The following WTIP variants were observed in gnomAD, a reference collection of about 807,000 sequenced individuals.
WTIP encodes the protein WT1 interacting protein.
WTIP carries 23 observed loss-of-function variants against 41.7 expected under a neutral mutation model. The observed-to-expected ratio is 0.55, with a 90% confidence interval of 0.40 to 0.78. The LOEUF is 0.78. WTIP is among the 30% of genes least tolerant of loss of function. WTIP has a pLI of 0.00. For synonymous variants in WTIP, 314 were observed against 269.9 expected, an observed-to-expected ratio of 1.16 and a Z score of -1.60; for missense variants, 619 against 610.5, an observed-to-expected ratio of 1.01 and a Z score of -0.15.
intron 7 of WTIP, among the ~76,000 whole-genome samples, chr19:34,498,333 C>T (rs1025799368): frequency 3.5e-4 from 53 of 152,168 alleles, no homozygotes; most frequent in Non-Finnish European, 6.3e-4. Flanking sequence ...TCACCCTGCT[C>T]CAGGGACCCC....
Position 34,493,606 on chromosome 19 carries a change from G to A in WTIP, c.1015G>A (p.Val339Met), listed in dbSNP as rs375329839. Residue 339 changes from valine (V) to methionine (M), a missense_variant, in exon 5 of 8, where the codon GTG becomes ATG. Val to Met is a conservative substitution (Grantham distance 21). Around this residue, in one of 3 missense-constraint regions of WTIP, gnomAD observed 164 missense variants for 219.1 expected, o/e 0.75. Coordinates refer to ENST00000590071, the MANE Select transcript of WTIP (RefSeq NM_001080436.2). This position sits in a 1 kb window ranked among gnomAD's most constrained non-coding sequence, Gnocchi z 4.1. ...TVDVENNIYC[V>M]RDYHTVFAPK... ...GGACGTGGAGAACAACATCTACTGCGTGCGAGACTATCACACGTGAGTTGC... is the reference window on the plus strand; with the variant it reads ...GGACGTGGAGAACAACATCTACTGCATGCGAGACTATCACACGTGAGTTGC... The A allele has an allele frequency of 1.2e-5, 20 of 1,613,368 alleles. No individual in the cohort carries two copies. Among genetic ancestry groups the A allele is most frequent in the East Asian group, 2.2e-5 (1 of 44,892 alleles).
At position 34,495,791 on chromosome 19, in the gene WTIP, A is replaced by G. The variant is rs1343100858; in HGVS notation, c.1152+20A>G. 3.7e-6 allele frequency: 6 copies of G among 1,612,634 alleles called. No homozygotes were observed. Among genetic ancestry groups the G allele is most frequent in the Non-Finnish European group, 5.1e-6 (6 of 1,179,630 alleles). ...TGTGAGGTGAGCCTGGGCCCACAGG[A>G]GGCTGGCAGCTGGGGCAGGCCTCCT... On this transcript the variant is annotated intron_variant, in intron 7 of 7. Coordinates refer to ENST00000590071, the MANE Select transcript of WTIP (RefSeq NM_001080436.2).
At position 34,510,937 on chromosome 19, in the gene WTIP, C is replaced by G. The variant is rs985084856; in HGVS notation, c.*10668C>G. On this transcript the variant is annotated 3_prime_UTR_variant, in exon 8 of 8. Transcript: ENST00000590071. Reference sequence around the variant, plus strand: ...ACCTTAGTATTCATATCACTATCAGCATTTTTATCAAATATTAAACAAATT... The same window carrying G: ...ACCTTAGTATTCATATCACTATCAGGATTTTTATCAAATATTAAACAAATT... The G allele has an allele frequency of 5.9e-5, 9 of 152,244 alleles. No individual in the cohort carries two copies. Among genetic ancestry groups the G allele is most frequent in the African/African-American group, 2.2e-4 (9 of 41,450 alleles). 9.4% of individuals were successfully genotyped at this position (152,244 alleles called of 1,614,324 possible). A position where few individuals can be genotyped will look rare whatever the true frequency, so the allele number is the denominator to read the frequency against.
intron 1 of WTIP, 141 bp downstream of exon 1, chr19:34,482,782 G>A (rs2075775826): frequency 4.2e-6 from 5 of 1,201,582 alleles, no homozygotes; most frequent in Non-Finnish European, 5.2e-6. Context: ...TTGGGACGAG[G>A]AAGGTGCATC....
chr19:34,482,838 C>T, intron 1 of WTIP, 197 bp downstream of exon 1: 1 of 964,198 alleles, frequency 1.0e-6, no homozygotes, highest in Non-Finnish European at 1.2e-6. Context: ...GCGCCTGGAT[C>T]CCCAGCAGCG....
chr19:34,489,605 A>G (rs1045189008), intron 1 of WTIP, among the ~76,000 whole-genome samples: 1 of 144,120 alleles, frequency 6.9e-6, no homozygotes, highest in African/African-American at 2.8e-5. Flanking sequence ...GTCCAAGAGC[A>G]GGCCATGGAT....
rs1442607886 is a variant in WTIP at position 34,493,649 on chromosome 19, C to T, written c.1031+27C>T. ...TGAGTTGCTGGTGCTGTGGAGCAGG[C>T]GGGACTCGGGCCGTCCTCCCTGGCT... On this transcript the variant is annotated intron_variant, in intron 5 of 7. Coordinates refer to ENST00000590071, the MANE Select transcript of WTIP (RefSeq NM_001080436.2). The surrounding 1 kb of genome is among the most constrained non-coding windows in gnomAD (Gnocchi z 4.1). 6.2e-6 allele frequency: 10 copies of T among 1,611,830 alleles called. No homozygotes were observed. Among genetic ancestry groups the T allele is most frequent in the East Asian group, 4.5e-5 (2 of 44,874 alleles).
At chr19:34,485,289 G>T (rs547117602) in intron 1 of WTIP, among the ~76,000 whole-genome samples, 16 of 152,218 alleles carry the variant, frequency 1.1e-4, no homozygotes, top group African/African-American at 3.6e-4. Context: ...CACCATGTTG[G>T]CCAGGCTTGT....
At position 34,505,517 on chromosome 19, in the gene WTIP, G is replaced by T. The variant is rs943965069; in HGVS notation, c.*5248G>T. On this transcript the variant is annotated 3_prime_UTR_variant, in exon 8 of 8. Transcript: ENST00000590071. Reference sequence around the variant, plus strand: ...TGTAGGGAGGTGCTCAGCAGTGATGGTTGTGTGCCTGTCACACCCACCCAC... The same window carrying T: ...TGTAGGGAGGTGCTCAGCAGTGATGTTTGTGTGCCTGTCACACCCACCCAC... 1 of 152,490 alleles carries T rather than the reference G, an allele frequency of 6.6e-6. No homozygotes were observed. The highest frequency in any genetic ancestry group is 1.5e-5 in the Non-Finnish European group (1 of 68,304). 9.4% of individuals were successfully genotyped at this position (152,490 alleles called of 1,614,324 possible).
Position 34,500,297 on chromosome 19 carries a change from G to A in WTIP, c.*28G>A. ...AGGGGAAAACCCGTCCCTGGGCCGG[G>A]GTGGGTGTGGGTGTGGAGGGAGGGC... On this transcript the variant is annotated 3_prime_UTR_variant, in exon 8 of 8. Transcript: ENST00000590071. The A allele has an allele frequency of 1.3e-6, 2 of 1,572,726 alleles. No homozygotes were observed. Among genetic ancestry groups the A allele is most frequent in the Non-Finnish European group, 1.7e-6 (2 of 1,161,988 alleles).
intron 7 of WTIP, among the ~76,000 whole-genome samples, chr19:34,496,919 G>A (rs180736935): frequency 1.6e-4 from 24 of 152,182 alleles, no homozygotes; most frequent in African/African-American, 5.8e-4. Context: ...CTGCAGTGCA[G>A]TGGCACTATC....
rs182756068 is a variant in WTIP at position 34,499,948 on chromosome 19, G to T, written c.1153-181G>T. 3.3e-3 allele frequency among the ~76,000 whole-genome samples: 499 copies of T among 152,200 alleles called. 4 individuals are homozygous for T. Among genetic ancestry groups the T allele is most frequent in the Non-Finnish European group, 5.4e-3 (369 of 67,996 alleles). On this transcript the variant is annotated intron_variant, in intron 7 of 7. Coordinates refer to ENST00000590071, the MANE Select transcript of WTIP (RefSeq NM_001080436.2). ...TCCTGACCGAAGCGATGATCCAGCC[G>T]CCTCAGCCTCCCAAAGTGCTGGGAT...
In WTIP at chr19:34,500,452, A is replaced by G. The variant is rs528613450; in HGVS notation, c.*183A>G. On this transcript the variant is annotated 3_prime_UTR_variant, in exon 8 of 8. Coordinates refer to ENST00000590071, the MANE Select transcript of WTIP (RefSeq NM_001080436.2). Reference sequence around the variant, plus strand: ...TTCACCGTCTGTGCCTGCTCAAGTCACTTCCCTGCGGGCCCTGCCTCCCAC... The same window carrying G: ...TTCACCGTCTGTGCCTGCTCAAGTCGCTTCCCTGCGGGCCCTGCCTCCCAC... The G allele has an allele frequency of 5.9e-5, 51 of 862,070 alleles. No individual in the cohort carries two copies. The Admixed American group carries it at 6.4e-4, about 11-fold the overall frequency. The allele number at this position is 862,070 out of a possible 1,614,324, so 53.4% of individuals were successfully genotyped here.
intron 1 of WTIP, among the ~76,000 whole-genome samples, chr19:34,483,407 G>C (rs969104350): frequency 4.6e-5 from 7 of 152,034 alleles, no homozygotes; most frequent in African/African-American, 1.2e-4. Context: ...GTGCTTCCCC[G>C]TCTGCCCCGC....
At chr19:34,490,936 C>T (rs528773651) in intron 2 of WTIP, among the ~76,000 whole-genome samples, 5 of 152,232 alleles carry the variant, frequency 3.3e-5, no homozygotes, top group South Asian at 2.1e-4. Flanking sequence ...ATTCTCCTGC[C>T]TCAGCCTCCC....
At position 34,481,766 on chromosome 19, in the gene WTIP, C is replaced by A. The variant is rs1201544649; in HGVS notation, c.-209C>A. Reference sequence around the variant, plus strand: ...CGGCGCCTGGGAGCTTACATTCCTCCGCCGCGCGCGCCGCCGAGCAGGGCG... The same window carrying A: ...CGGCGCCTGGGAGCTTACATTCCTCAGCCGCGCGCGCCGCCGAGCAGGGCG... On this transcript the variant is annotated 5_prime_UTR_variant, in exon 1 of 8. Coordinates refer to ENST00000590071, the MANE Select transcript of WTIP (RefSeq NM_001080436.2). 5 of 188,944 alleles carry A rather than the reference C, an allele frequency of 2.6e-5. No homozygotes were observed. The highest frequency in any genetic ancestry group is 6.6e-5 in the Admixed American group (1 of 15,172). The allele number at this position is 188,944 out of a possible 1,614,324, so 11.7% of individuals were successfully genotyped here. A position where few individuals can be genotyped will look rare whatever the true frequency, so the allele number is the denominator to read the frequency against.
Position 34,482,495 on chromosome 19 carries a change from C to A in WTIP, c.521C>A (p.Pro174His). 1 of 1,240,602 alleles carries A rather than the reference C, an allele frequency of 8.1e-7. No homozygotes were observed. The highest frequency in any genetic ancestry group is 1.0e-6 in the Non-Finnish European group (1 of 995,126). The allele number at this position is 1,240,602 out of a possible 1,614,324, so 76.8% of individuals were successfully genotyped here. Residue 174 changes from proline (P) to histidine (H), a missense_variant, in exon 1 of 8, where the codon CCT becomes CAT. Pro to His is a moderately conservative substitution (Grantham distance 77, BLOSUM62 -2). Coordinates refer to ENST00000590071, the MANE Select transcript of WTIP (RefSeq NM_001080436.2). ...CCCGCGCCCGCTCGCTCCCCGGAGCCTGCGGGGCCGGCTCCCTTCCCGCTG... is the reference window on the plus strand; with the variant it reads ...CCCGCGCCCGCTCGCTCCCCGGAGCATGCGGGGCCGGCTCCCTTCCCGCTG... ...ACPAPARSPE[P>H]AGPAPFPLPA...
Position 34,493,629 on chromosome 19 carries a change from T to A in WTIP, c.1031+7T>A. On this transcript the variant is annotated splice_region_variant and intron_variant, in intron 5 of 7. Coordinates refer to ENST00000590071, the MANE Select transcript of WTIP (RefSeq NM_001080436.2). This position sits in a 1 kb window ranked among gnomAD's most constrained non-coding sequence, Gnocchi z 4.1. ...GCGTGCGAGACTATCACACGTGAGT[T>A]GCTGGTGCTGTGGAGCAGGCGGGAC... The A allele has an allele frequency of 1.9e-6, 3 of 1,613,160 alleles. No individual in the cohort carries two copies. Among genetic ancestry groups the A allele is most frequent in the Non-Finnish European group, 2.5e-6 (3 of 1,179,830 alleles).
intron 7 of WTIP, among the ~76,000 whole-genome samples, chr19:34,499,685 C>G (rs927481166): frequency 6.6e-6 from 1 of 151,892 alleles, no homozygotes; most frequent in Admixed American, 6.6e-5. Flanking sequence ...CATACCCCCT[C>G]TGGCAGAGGA....
Sources: allele counts gnomAD v4.1 joint callset (sites outside exome capture counted in the v4.1 genomes callset), GRCh38; gene constraint gnomAD v4.1.1; regional missense constraint gnomAD v4.1.1; non-coding constraint Gnocchi (gnomAD v3.1); transcripts MANE v1.5; gene names NCBI Gene and HGNC (gene_info 2026-07-23, HGNC 2026-07-21).